MACROD2: variants seen among roughly 807,000 people sequenced by gnomAD.
The protein encoded by MACROD2 is mono-ADP ribosylhydrolase 2.
Under a neutral mutation model 70.4 loss-of-function variants are expected in MACROD2, and 36 were observed. That is an observed-to-expected ratio of 0.51 (90% CI 0.39 to 0.68). The LOEUF is 0.68. Ranked by LOEUF, MACROD2 falls within the 30% of genes least tolerant of loss-of-function variation. The pLI, the probability that MACROD2 is intolerant of heterozygous loss-of-function variation, is 0.00. For synonymous variants in MACROD2, 172 were observed against 178.8 expected, an observed-to-expected ratio of 0.96 and a Z score of 0.30; for missense variants, 496 against 538.4, an observed-to-expected ratio of 0.92 and a Z score of 0.78.
intron 3 of MACROD2, among the ~76,000 whole-genome samples, chr20:14,112,922 T>C (rs2054470376): frequency 6.6e-6 from 1 of 151,978 alleles, no homozygotes; most frequent in African/African-American, 2.4e-5. Flanking sequence ...CTTACCGATT[T>C]ATTAACTTTG....
chr20:15,245,746 A>G (rs1601293825), intron 6 of MACROD2, among the ~76,000 whole-genome samples: 1 of 152,190 alleles, frequency 6.6e-6, no homozygotes, highest in Non-Finnish European at 1.5e-5. Flanking sequence ...GTCTAATGTA[A>G]GTGTTCTGAG....
intron 8 of MACROD2, among the ~76,000 whole-genome samples, chr20:15,502,295 C>T (rs746557492): frequency 3.3e-5 from 5 of 152,228 alleles, no homozygotes; most frequent in East Asian, 3.9e-4. Flanking sequence ...ACATTCCACA[C>T]AGAGAGAACC....
chr20:15,243,271 T>G (rs965630807), intron 6 of MACROD2, among the ~76,000 whole-genome samples: 4 of 152,192 alleles, frequency 2.6e-5, no homozygotes, highest in Non-Finnish European at 5.9e-5. Flanking sequence ...AGCATGATCC[T>G]GCTCCAATGC....
At chr20:15,551,648 G>T (rs2048098504) in intron 8 of MACROD2, among the ~76,000 whole-genome samples, 1 of 151,930 alleles carries the variant, frequency 6.6e-6, no homozygotes, top group Non-Finnish European at 1.5e-5. Flanking sequence ...GGAGGCCAAG[G>T]CGGGTGCATC....
At chr20:14,290,968 C>T (rs752505215) in intron 3 of MACROD2, among the ~76,000 whole-genome samples, 172 of 152,292 alleles carry the variant, frequency 1.1e-3, no homozygotes, top group Middle Eastern at 6.8e-3. Context: ...AAAAATCAAA[C>T]AAATGGTCAT....
chr20:15,913,205 C>T (rs141472225), intron 10 of MACROD2, among the ~76,000 whole-genome samples: 101 of 151,762 alleles, frequency 6.7e-4, no homozygotes, highest in Admixed American at 1.1e-3. Flanking sequence ...TCCATTGTCC[C>T]TCTTCTCTTC....
intron 5 of MACROD2, among the ~76,000 whole-genome samples, chr20:14,691,345 C>G (rs943109873): frequency 6.6e-6 from 1 of 152,184 alleles, no homozygotes; most frequent in Admixed American, 6.5e-5. Context: ...ACCCTCTATT[C>G]CTTGGGACAT....
At chr20:15,817,734 T>C (rs1336900919) in intron 8 of MACROD2, among the ~76,000 whole-genome samples, 1 of 152,142 alleles carries the variant, frequency 6.6e-6, no homozygotes, top group Non-Finnish European at 1.5e-5. Flanking sequence ...TCTATATTTT[T>C]GCCACCATCC....
intron 6 of MACROD2, among the ~76,000 whole-genome samples, chr20:15,301,591 C>CTTTTTTTTTTTTTTTTTTTTG (rs2077643468): frequency 1.2e-5 from 1 of 81,250 alleles, no homozygotes; most frequent in Non-Finnish European, 2.4e-5. Context: ...GGTAGGTGGC[C>CTTTTTTTTTTTTTTTTTTTTG]TTTTTTTTTT....
chr20:14,789,910 GA>G (rs1489576285), intron 5 of MACROD2, among the ~76,000 whole-genome samples: 1 of 151,850 alleles, frequency 6.6e-6, no homozygotes, highest in South Asian at 2.1e-4. Flanking sequence ...AAAATTGAAA[GA>G]AAAAATGTAG....
Position 14,140,717 on chromosome 20 carries a change from G to A in MACROD2, c.271+54989G>A, listed in dbSNP as rs554093082. ...ACTTCCAACCAACACCTGTGGGTGG[G>A]AGCTGGCTGGTTTTCCTTTCATTGT... is the stretch of plus-strand genomic sequence containing the variant. On this transcript the variant is annotated intron_variant, in intron 3 of 17. Transcript: ENST00000684519. Among the ~76,000 whole-genome samples, 104 of 152,208 alleles carry A rather than the reference G, an allele frequency of 6.8e-4. 3 individuals carry two copies. The South Asian group carries it at 0.02, about 30-fold the overall frequency.
chr20:15,741,432 A>ATT (rs2051105081), intron 8 of MACROD2, among the ~76,000 whole-genome samples: 1 of 151,752 alleles, frequency 6.6e-6, no homozygotes, highest in Non-Finnish European at 1.5e-5. Context: ...TCCGACTGAT[A>ATT]TTGCCTCACC....
intron 2 of MACROD2, among the ~76,000 whole-genome samples, chr20:14,034,281 C>T (rs2053282103): frequency 6.6e-6 from 1 of 152,118 alleles, no homozygotes; most frequent in Non-Finnish European, 1.5e-5. Flanking sequence ...GCCCCTACTT[C>T]ACCTATTTTT....
rs775094 is a variant in MACROD2 at position 15,990,241 on chromosome 20, T to G, written c.1153+3083T>G. Among the ~76,000 whole-genome samples, 575 of 152,314 alleles carry G rather than the reference T, an allele frequency of 3.8e-3. 3 individuals are homozygous for G. Among genetic ancestry groups the G allele is most frequent in the Non-Finnish European group, 6.7e-3 (455 of 68,010 alleles). On this transcript the variant is annotated intron_variant, in intron 15 of 17. Transcript: ENST00000684519. ...TATGAAATCCAGTCGAATAACGTCA[T>G]TTAGGTTAATAACCAAATAGGAAAG...
At chr20:14,325,477 G>T in intron 3 of MACROD2, 2 of 1,385,896 alleles carry the variant, frequency 1.4e-6, no homozygotes, top group Non-Finnish European at 2.0e-6. Flanking sequence ...CCAGTGTTTT[G>T]CAGTAGAACA....
chr20:15,122,327 G>A (rs571753927), intron 5 of MACROD2, among the ~76,000 whole-genome samples: 10 of 152,292 alleles, frequency 6.6e-5, no homozygotes, highest in African/African-American at 2.4e-4. Context: ...CTCACTAGCA[G>A]TGAGGGATGA....
chr20:15,897,804 CTG>C (rs2064996624), intron 10 of MACROD2, among the ~76,000 whole-genome samples: 1 of 152,108 alleles, frequency 6.6e-6, no homozygotes, highest in Non-Finnish European at 1.5e-5. Flanking sequence ...TATCTCTAGT[CTG>C]TACAAGTCTG....
chr20:16,043,896 A>G (rs946288891), intron 16 of MACROD2, among the ~76,000 whole-genome samples: 2 of 152,076 alleles, frequency 1.3e-5, no homozygotes, highest in Non-Finnish European at 2.9e-5. Context: ...GCATTTATCC[A>G]AGAATCATAA....
intron 6 of MACROD2, among the ~76,000 whole-genome samples, chr20:15,241,537 T>G (rs1363304405): frequency 6.6e-6 from 1 of 152,056 alleles, no homozygotes; most frequent in East Asian, 1.9e-4. Flanking sequence ...AATATAACCC[T>G]CAGTTAACAT....
Sources: gnomAD v4.1 joint callset for allele counts (sites outside exome capture counted in the v4.1 genomes callset) on GRCh38, gnomAD v4.1.1 for gene constraint, MANE v1.5 for transcripts, NCBI Gene and HGNC (gene_info 2026-07-23, HGNC 2026-07-21) for gene names.